PTPRE: variants seen among roughly 807,000 people sequenced by gnomAD.
PTPRE encodes the protein protein tyrosine phosphatase receptor type E.
A neutral mutation model predicts 102.0 loss-of-function variants in PTPRE; 51 were observed. The ratio of observed to expected loss-of-function variants is 0.50; its 90% CI spans 0.40 to 0.63. PTPRE has a LOEUF of 0.63. PTPRE is among the 30% of genes least tolerant of loss of function. The probability of loss-of-function intolerance (pLI) is 0.00; values close to 1 mark genes in which losing one functional copy is unlikely to be tolerated. For synonymous variants in PTPRE, 345 were observed against 348.2 expected, an observed-to-expected ratio of 0.99 and a Z score of 0.10; for missense variants, 752 against 915.1, an observed-to-expected ratio of 0.82 and a Z score of 2.30.
At chr10:128,055,857 C>T (rs539316801) in intron 6 of PTPRE, among the ~76,000 whole-genome samples, 6 of 152,326 alleles carry the variant, frequency 3.9e-5, no homozygotes, top group African/African-American at 1.4e-4. Context: ...CGCCTTCATG[C>T]AGCATAGGAT....
At chr10:128,050,826 A>C (rs1489959156) in intron 6 of PTPRE, among the ~76,000 whole-genome samples, 1 of 152,226 alleles carries the variant, frequency 6.6e-6, no homozygotes, top group Non-Finnish European at 1.5e-5. Flanking sequence ...AGTGTTGTGC[A>C]GTTGTTATAT....
At chr10:128,005,738 A>C (rs1334687402) in intron 2 of PTPRE, among the ~76,000 whole-genome samples, 1 of 152,234 alleles carries the variant, frequency 6.6e-6, no homozygotes, top group Non-Finnish European at 1.5e-5. Flanking sequence ...GCCATAAGCC[A>C]GCAGTTTACT....
At chr10:128,080,611 T>G (rs934939643) in intron 20 of PTPRE, among the ~76,000 whole-genome samples, 1 of 152,202 alleles carries the variant, frequency 6.6e-6, no homozygotes, top group Non-Finnish European at 1.5e-5. Context: ...GGCCAATATA[T>G]TCTATCTTCG....
Position 128,072,185 on chromosome 10 carries a change from A to G in PTPRE, c.1435A>G (p.Thr479Ala), listed in dbSNP as rs781654650. Residue 479 changes from threonine (T) to alanine (A), a missense_variant, in exon 16 of 21, where the codon ACA (threonine) becomes GCA (alanine). Physicochemically the swap from Thr to Ala is moderately conservative, Grantham distance 58 (BLOSUM62 0). Coordinates refer to ENST00000254667, the MANE Select transcript of PTPRE (RefSeq NM_006504.6). ...TTCCATGAAAAGGGGTCAAGAATACACAGACTACATCAACGCATCCTTCAT... is the reference window on the plus strand; with the variant it reads ...TTCCATGAAAAGGGGTCAAGAATACGCAGACTACATCAACGCATCCTTCAT... The part of the protein sequence containing the change: ...ILSMKRGQEY[T>A]DYINASFIDG... 8.7e-6 allele frequency: 14 copies of G among 1,614,068 alleles called. No homozygotes were observed. The highest frequency in any genetic ancestry group is 1.2e-5 in the Non-Finnish European group (14 of 1,179,958).
intron 2 of PTPRE, among the ~76,000 whole-genome samples, chr10:128,034,331 C>T (rs935471844): frequency 1.3e-5 from 2 of 151,784 alleles, no homozygotes; most frequent in Non-Finnish European, 2.9e-5. Context: ...CACCACCCCC[C>T]CCACCGACAC....
chr10:128,019,837 G>T (rs1845724599), intron 2 of PTPRE, among the ~76,000 whole-genome samples: 1 of 152,188 alleles, frequency 6.6e-6, no homozygotes, highest in African/African-American at 2.4e-5. Context: ...TCTCCCAGAG[G>T]ACCCCTGCCC....
At chr10:128,069,391 T>C in intron 12 of PTPRE, 1 of 331,296 alleles carries the variant, frequency 3.0e-6, no homozygotes, top group Admixed American at 4.4e-5. Flanking sequence ...ATCACACATA[T>C]AAGAAGAAGA....
chr10:127,998,221 C>G (rs1053886349), intron 2 of PTPRE: 1 of 152,162 alleles, frequency 6.6e-6, no homozygotes, highest in African/African-American at 2.4e-5. Flanking sequence ...AGAAAATGAA[C>G]GAGACGGGGA....
At chr10:128,026,189 C>T (rs1189781918) in intron 2 of PTPRE, among the ~76,000 whole-genome samples, 5 of 152,226 alleles carry the variant, frequency 3.3e-5, no homozygotes, top group East Asian at 1.9e-4. Context: ...AAACCCCCAG[C>T]GCCTCTCTGG....
chr10:128,031,397 C>G (rs1846744291), intron 2 of PTPRE, among the ~76,000 whole-genome samples: 1 of 152,336 alleles, frequency 6.6e-6, no homozygotes, highest in East Asian at 1.9e-4. Flanking sequence ...CAGTGGGAGA[C>G]AGCGGGAGGG....
chr10:127,912,802 CTG>C (rs1412702532), intron 1 of PTPRE, among the ~76,000 whole-genome samples: 6 of 152,220 alleles, frequency 3.9e-5, no homozygotes, highest in Non-Finnish European at 5.9e-5. Context: ...AGAGCTCACT[CTG>C]TGCATGTATG....
chr10:128,036,415 AACAGGACATTGCTC>A (rs1847221806), intron 2 of PTPRE, among the ~76,000 whole-genome samples: 2 of 152,152 alleles, frequency 1.3e-5, no homozygotes, highest in South Asian at 4.1e-4. Context: ...CTTCAGTAAC[AACAGGACATTGCTC>A]ATAGGATTTC....
chr10:127,991,088 A>G (rs1307491038), intron 2 of PTPRE, among the ~76,000 whole-genome samples: 1 of 152,208 alleles, frequency 6.6e-6, no homozygotes, highest in East Asian at 1.9e-4. Flanking sequence ...GTCAGAAACC[A>G]TGGAAACCCT....
intron 8 of PTPRE, 48 bp downstream of exon 8, chr10:128,061,063 G>A (rs1230094848): frequency 6.4e-7 from 1 of 1,571,550 alleles, no homozygotes; most frequent in Non-Finnish European, 8.8e-7. Context: ...TGGGGCATGA[G>A]CAGTAAGCAC....
intron 6 of PTPRE, among the ~76,000 whole-genome samples, chr10:128,055,387 G>C (rs955521866): frequency 2.6e-5 from 4 of 152,162 alleles, no homozygotes; most frequent in African/African-American, 9.7e-5. Flanking sequence ...AGGGGATAGG[G>C]GCCCCGCGGC....
At chr10:127,995,823 G>GCACA (rs143328396) in intron 2 of PTPRE, among the ~76,000 whole-genome samples, 18,482 of 148,200 alleles carry the variant, frequency 0.12, 1,246 homozygotes, top group African/African-American at 0.15. Flanking sequence ...CTCTACACGA[G>GCACA]CACACACACA....
At chr10:127,941,594 A>C (rs1848249373) in intron 1 of PTPRE, among the ~76,000 whole-genome samples, 1 of 152,258 alleles carries the variant, frequency 6.6e-6, no homozygotes. Context: ...CAATGAATGT[A>C]AACAAATCTT....
chr10:128,036,609 C>G (rs61875267), intron 2 of PTPRE, among the ~76,000 whole-genome samples: 3 of 152,002 alleles, frequency 2.0e-5, no homozygotes, highest in African/African-American at 4.8e-5. Flanking sequence ...GAATGATGCT[C>G]CCTCCCACCC....
At chr10:127,978,094 A>G (rs1356455395) in intron 1 of PTPRE, among the ~76,000 whole-genome samples, 2 of 152,196 alleles carry the variant, frequency 1.3e-5, no homozygotes, top group Admixed American at 6.5e-5. Flanking sequence ...ATCCTCTAGG[A>G]CAGGAAAATA....
Sources: allele counts gnomAD v4.1 joint callset (sites outside exome capture counted in the v4.1 genomes callset), GRCh38; gene constraint gnomAD v4.1.1; transcripts MANE v1.5; gene names NCBI Gene and HGNC (gene_info 2026-07-23, HGNC 2026-07-21).